POLR1A: variants seen among roughly 807,000 people sequenced by gnomAD.
POLR1A encodes DNA-directed RNA polymerase I subunit RPA1.
Under a neutral mutation model 205.3 loss-of-function variants are expected in POLR1A, and 84 were observed. That is an observed-to-expected ratio of 0.41 (90% confidence interval 0.34 to 0.49). POLR1A has a LOEUF of 0.49. POLR1A is among the 20% of genes least tolerant of loss of function. POLR1A has a pLI of 0.22. For synonymous variants in POLR1A, 799 were observed against 863.7 expected (o/e 0.93, Z 1.31); for missense variants, 1,645 against 2,204.5 (o/e 0.75, Z 5.08).
rs1672239368 is a variant in POLR1A at position 86,025,941 on chromosome 2, T to C, written c.*1482A>G. ...TGTCAGGCTTTCCCCAGTGTAGGCC[T>C]AGGAGGTGCAGGCTGGGTCCTATTG... On this transcript the variant is annotated 3_prime_UTR_variant, in exon 34 of 34. Coordinates refer to ENST00000263857, the MANE Select transcript of POLR1A (RefSeq NM_015425.6). The C allele has an allele frequency of 6.6e-6, 1 of 152,182 alleles. No homozygotes were observed. Among genetic ancestry groups the C allele is most frequent in the African/African-American group, 2.4e-5 (1 of 41,426 alleles). The allele number at this position is 152,182 out of a possible 1,614,324, so 9.4% of individuals were successfully genotyped here. A position where few individuals can be genotyped will look rare whatever the true frequency, so the allele number is the denominator to read the frequency against.
chr2:86,047,725 T>C (rs775858293), intron 18 of POLR1A, among the ~76,000 whole-genome samples: 6 of 152,102 alleles, frequency 3.9e-5, no homozygotes, highest in Non-Finnish European at 7.4e-5. Context: ...CCAAGCCCCA[T>C]GTAGGAAGCT....
chr2:86,081,813 A>G (rs1301379748), intron 7 of POLR1A, 107 bp from the exon 8 acceptor site: 1 of 678,190 alleles, frequency 1.5e-6, no homozygotes, highest in South Asian at 1.9e-5. Flanking sequence ...AGAATACAAG[A>G]TAATATGTAG....
chr2:86,079,906 C>A (rs1450147078), intron 9 of POLR1A, among the ~76,000 whole-genome samples: 1 of 152,158 alleles, frequency 6.6e-6, no homozygotes, highest in Non-Finnish European at 1.5e-5. Context: ...TCACTGGGTA[C>A]AGTTATCCCA....
chr2:86,028,960 G>A lies in POLR1A; in HGVS notation c.4780-249C>T, dbSNP rs1485037639. Among the ~76,000 whole-genome samples, 1 of 152,134 alleles carries A rather than the reference G, an allele frequency of 6.6e-6. No homozygotes were observed. Among genetic ancestry groups the A allele is most frequent in the African/African-American group, 2.4e-5 (1 of 41,414 alleles). On this transcript the variant is annotated intron_variant, in intron 31 of 33. Coordinates refer to ENST00000263857, the MANE Select transcript of POLR1A (RefSeq NM_015425.6). The surrounding 1 kb of genome is among the most constrained non-coding windows in gnomAD (Gnocchi z 4.5). ...AATCCAGCGTGTCCACTTTGGACAC[G>A]CTTTAGATTCAATGGGAAGAAAAGG...
In POLR1A at chr2:86,022,443, GT is replaced by G. The variant is rs1396886373; in HGVS notation, c.*4979del. 1.3e-5 allele frequency: 2 copies of G among 152,218 alleles called. No homozygotes were observed. The highest frequency in any genetic ancestry group is 1.3e-4 in the Admixed American group (2 of 15,286). The allele number at this position is 152,218 out of a possible 1,614,324, so 9.4% of individuals were successfully genotyped here. On this transcript the variant is annotated 3_prime_UTR_variant, in exon 34 of 34. Transcript: ENST00000263857. Reference sequence around the variant, plus strand: ...CCTTGAGATGTCATCGTACCGATAGGTGGTGACGGTGGCTGTGCATTTCCAC... The same window carrying G: ...CCTTGAGATGTCATCGTACCGATAGGGGTGACGGTGGCTGTGCATTTCCAC...
At chr2:86,047,636 G>A (rs1338640677) in intron 18 of POLR1A, among the ~76,000 whole-genome samples, 7 of 152,196 alleles carry the variant, frequency 4.6e-5, no homozygotes, top group Admixed American at 4.6e-4. Context: ...CCCTTGATTC[G>A]CCCAGCAGAG....
At chr2:86,072,357 T>C (rs1673195465) in intron 12 of POLR1A, among the ~76,000 whole-genome samples, 1 of 152,216 alleles carries the variant, frequency 6.6e-6, no homozygotes, top group Non-Finnish European at 1.5e-5. Flanking sequence ...TGCTTTAGCC[T>C]CTCAAGGGAG....
chr2:86,036,618 C>T (rs1672500900), intron 27 of POLR1A, among the ~76,000 whole-genome samples: 1 of 152,186 alleles, frequency 6.6e-6, no homozygotes. Context: ...CTGTGGGCGG[C>T]CAGAGGCCTG....
At chr2:86,105,620 C>G (rs1404618820) in intron 1 of POLR1A, 80 bp downstream of exon 1, 22 of 937,170 alleles carry the variant, frequency 2.3e-5, no homozygotes, top group Non-Finnish European at 3.5e-5. Flanking sequence ...ATAGACTGGG[C>G]AAAAGCGCTT....
chr2:86,038,837 G>T lies in POLR1A; in HGVS notation c.3897C>A (p.Val1299=), dbSNP rs1672546288. The change falls in exon 27 of 34, where the codon GTC becomes GTA. Residue 1299 remains valine (V), a synonymous_variant. Transcript: ENST00000263857. ...CLGEVLQKID[V]QESFCMEEKQ... is the part of the protein sequence containing the mutation. ...TTTCTTCCATACAGAAGGACTCCTGGACGTCAATTTTCTGCAACACCTGGA... is the reference window on the plus strand; with the variant it reads ...TTTCTTCCATACAGAAGGACTCCTGTACGTCAATTTTCTGCAACACCTGGA... The T allele has an allele frequency of 6.2e-7, 1 of 1,614,134 alleles. No individual in the cohort carries two copies.
rs1672411615 is a variant in POLR1A, at chr2:86,032,241, C to T, written c.4272+31G>A. The T allele has an allele frequency of 2.8e-6, 4 of 1,414,824 alleles. No individual in the cohort carries two copies. In the East Asian group the frequency reaches 6.8e-5, roughly 24 times the overall value. 87.6% of individuals were successfully genotyped at this position (1,414,824 alleles called of 1,614,324 possible). ...TTAACAGGGAAGGGGGCTGGGACCA[C>T]AGCTCCTTCACCCCACACAGGGTCT... On this transcript the variant is annotated intron_variant, in intron 29 of 33. Transcript: ENST00000263857.
intron 9 of POLR1A, 44 bp downstream of exon 9, chr2:86,080,772 C>T (rs1424705382): frequency 6.4e-7 from 1 of 1,550,810 alleles, no homozygotes. Flanking sequence ...AGAGTTAGCA[C>T]TAAGCATGTG....
At position 86,080,984 on chromosome 2, in the gene POLR1A, G is replaced by C. The variant is rs746069415; in HGVS notation, c.924-6C>G. On this transcript the variant is annotated splice_polypyrimidine_tract_variant and splice_region_variant and intron_variant, in intron 8 of 33. Transcript: ENST00000263857. ...GGCGACTGACTGGGCGATACCTGCA[G>C]GGGGACATACGGAATAAATGAATGT... is the stretch of plus-strand genomic sequence containing the variant. 6.2e-7 allele frequency: 1 copy of C among 1,607,746 alleles called. No individual in the cohort carries two copies. The highest frequency in any genetic ancestry group is 1.7e-5 in the Admixed American group (1 of 59,254).
intron 16 of POLR1A, among the ~76,000 whole-genome samples, chr2:86,052,278 T>A (rs1328205013): frequency 6.6e-6 from 1 of 152,114 alleles, no homozygotes. Context: ...GGGAAACCCC[T>A]CTGTGGAGTG....
chr2:86,027,229 T>G lies in POLR1A; in HGVS notation c.*194A>C. The G allele has an allele frequency of 1.7e-6, 1 of 602,342 alleles. No homozygotes were observed. Among genetic ancestry groups the G allele is most frequent in the East Asian group, 2.8e-5 (1 of 36,240 alleles). The allele number at this position is 602,342 out of a possible 1,614,324, so 37.3% of individuals were successfully genotyped here. A position where few individuals can be genotyped will look rare whatever the true frequency, so the allele number is the denominator to read the frequency against. ...ACAGGGAGGGGCAAGGATGAGCAAC[T>G]CTGTCACTTTCCAGGTGAAGCTGGC... On this transcript the variant is annotated 3_prime_UTR_variant, in exon 34 of 34. Coordinates refer to ENST00000263857, the MANE Select transcript of POLR1A (RefSeq NM_015425.6).
chr2:86,105,853 A>C lies in POLR1A; in HGVS notation c.-77T>G. 7.6e-7 allele frequency: 1 copy of C among 1,324,240 alleles called. No individual in the cohort carries two copies. The highest frequency in any genetic ancestry group is 1.1e-6 in the Non-Finnish European group (1 of 929,268). The allele number at this position is 1,324,240 out of a possible 1,614,324, so 82.0% of individuals were successfully genotyped here. A position where few individuals can be genotyped will look rare whatever the true frequency, so the allele number is the denominator to read the frequency against. On this transcript the variant is annotated 5_prime_UTR_variant, in exon 1 of 34. Transcript: ENST00000263857. ...CCTGACTATTCTTAATTCAACCTCA[A>C]GCCCGGAGTCACCACGCGATTCAAC...
At position 86,065,352 on chromosome 2, in the gene POLR1A, T is replaced by C. The variant is rs1360750911; in HGVS notation, c.1980A>G (p.Gly660=). The C allele has an allele frequency of 7.4e-6, 12 of 1,613,998 alleles. No individual in the cohort carries two copies. In the East Asian group the frequency reaches 2.2e-4, roughly 30 times the overall value. ...REHYMELVYR[G]LTDKVGRVKL... is the part of the protein sequence containing the mutation. ...TCACGCGCCCCACTTTGTCCGTGAGTCCTCGGTACACCAGCTCCATATAGT... is the reference window on the plus strand; with the variant it reads ...TCACGCGCCCCACTTTGTCCGTGAGCCCTCGGTACACCAGCTCCATATAGT... The change falls in exon 14 of 34, where the codon GGA becomes GGG. Residue 660 remains glycine, a synonymous_variant. Coordinates refer to ENST00000263857, the MANE Select transcript of POLR1A (RefSeq NM_015425.6).
chr2:86,049,187 A>G lies in POLR1A; in HGVS notation c.2448T>C (p.Ile816=), dbSNP rs1558768604. 1.2e-6 allele frequency: 2 copies of G among 1,614,002 alleles called. No homozygotes were observed. Among genetic ancestry groups the G allele is most frequent in the Non-Finnish European group, 1.7e-6 (2 of 1,179,868 alleles). ...GGGGCCCGCAGTGGGTGGATTCTTC[A>G]ATGATACGTTGCCTCTTGACATCTG... ...PKADVKRQRI[I]EESTHCGPQA... The change falls in exon 17 of 34, where the codon ATT becomes ATC. Residue 816 remains isoleucine, a synonymous_variant. Transcript: ENST00000263857.
chr2:86,042,948 T>C, intron 23 of POLR1A, 26 bp downstream of exon 23: 3 of 1,560,448 alleles, frequency 1.9e-6, no homozygotes, highest in Non-Finnish European at 2.7e-6. Flanking sequence ...GTGCTGGACA[T>C]TAAGGACACC....
Sources: gnomAD v4.1 joint callset for allele counts (sites outside exome capture counted in the v4.1 genomes callset) on GRCh38, gnomAD v4.1.1 for gene constraint, Gnocchi (gnomAD v3.1) non-coding constraint, MANE v1.5 for transcripts, NCBI Gene and HGNC (gene_info 2026-07-23, HGNC 2026-07-21) for gene names.